The following ASCC3 variants were observed in gnomAD, a reference collection of about 807,000 sequenced individuals.
ASCC3 encodes activating signal cointegrator 1 complex subunit 3.
In ASCC3, 158 loss-of-function variants were observed where a neutral mutation model predicts 256.3. The observed-to-expected ratio is 0.62, with a 90% confidence interval of 0.54 to 0.70. The LOEUF (loss-of-function observed/expected upper bound fraction) is 0.70. Among genes scored for constraint, ASCC3 ranks in the 30% least tolerant of loss-of-function variants. ASCC3 has a pLI of 0.00. For synonymous variants in ASCC3, 948 were observed against 883.4 expected, an observed-to-expected ratio of 1.07 and a Z score of -1.30; for missense variants, 2,259 against 2,626.0, an observed-to-expected ratio of 0.86 and a Z score of 3.05.
chr6:100,616,057 C>CAA (rs2114835901), intron 30 of ASCC3, among the ~76,000 whole-genome samples: 1 of 152,276 alleles, frequency 6.6e-6, no homozygotes, highest in East Asian at 1.9e-4. Flanking sequence ...AAAACAATTT[C>CAA]AAAATCCATC....
At chr6:100,739,911 G>T (rs1159447058) in intron 10 of ASCC3, among the ~76,000 whole-genome samples, 1 of 151,842 alleles carries the variant, frequency 6.6e-6, no homozygotes, top group African/African-American at 2.4e-5. Context: ...TTTTTGAAGG[G>T]TTATTCATGT....
At chr6:100,639,880 C>A (rs778346155) in intron 24 of ASCC3, among the ~76,000 whole-genome samples, 9 of 151,998 alleles carry the variant, frequency 5.9e-5, no homozygotes, top group Non-Finnish European at 1.3e-4. Context: ...TTTGGGAGGC[C>A]GAAGCGGATG....
rs1474450970 is a variant in ASCC3 at position 100,608,206 on chromosome 6, T to C, written c.4786-1118A>G. On this transcript the variant is annotated intron_variant, in intron 30 of 41. Coordinates refer to ENST00000369162, the MANE Select transcript of ASCC3 (RefSeq NM_006828.4). ...TGTGTGTATATATATACTTTATATA[T>C]ATACTTTATATATATACTTTATATA... is the stretch of plus-strand genomic sequence containing the variant. Among the ~76,000 whole-genome samples the C allele has an allele frequency of 7.1e-4, 37 of 52,236 alleles. 4 individuals are homozygous for C. The highest frequency in any genetic ancestry group is 2.2e-3 in the African/African-American group (26 of 11,728). 34.3% of individuals were successfully genotyped at this position (52,236 alleles called of 152,430 possible). A position where few individuals can be genotyped will look rare whatever the true frequency, so the allele number is the denominator to read the frequency against.
At chr6:100,813,746 C>A (rs1436653743) in intron 4 of ASCC3, among the ~76,000 whole-genome samples, 1 of 151,706 alleles carries the variant, frequency 6.6e-6, no homozygotes, top group Non-Finnish European at 1.5e-5. Flanking sequence ...CAATAACAGT[C>A]GGAGGGTGCA....
chr6:100,849,763 C>T (rs1772567823), intron 3 of ASCC3, among the ~76,000 whole-genome samples: 1 of 151,990 alleles, frequency 6.6e-6, no homozygotes, highest in African/African-American at 2.4e-5. Flanking sequence ...ATGTGACTTA[C>T]CTAAATACTG....
chr6:100,523,536 G>A (rs2114626285), intron 37 of ASCC3, among the ~76,000 whole-genome samples: 2 of 152,268 alleles, frequency 1.3e-5, no homozygotes, highest in Middle Eastern at 3.4e-3. Flanking sequence ...GTCTCCTCTA[G>A]AGTTTAGAAA....
intron 8 of ASCC3, among the ~76,000 whole-genome samples, chr6:100,782,262 A>G (rs1179762183): frequency 6.6e-6 from 1 of 152,162 alleles, no homozygotes; most frequent in East Asian, 1.9e-4. Context: ...GCTTTTAAAG[A>G]ATAGAAAAGA....
chr6:100,704,104 C>T (rs1778469053), intron 13 of ASCC3, among the ~76,000 whole-genome samples: 1 of 151,176 alleles, frequency 6.6e-6, no homozygotes. Context: ...TGACAGAAGA[C>T]TCAACAGAGC....
intron 4 of ASCC3, among the ~76,000 whole-genome samples, chr6:100,843,101 AATT>A (rs1193759367): frequency 6.6e-6 from 1 of 152,202 alleles, no homozygotes; most frequent in Non-Finnish European, 1.5e-5. Flanking sequence ...CATAAAGAAA[AATT>A]ATGAGGTTCT....
intron 30 of ASCC3, 106 bp from the exon 31 acceptor site, chr6:100,607,194 G>C (rs998390476): frequency 4.1e-5 from 49 of 1,190,888 alleles, no homozygotes; most frequent in Non-Finnish European, 5.8e-5. Context: ...TTATTATATG[G>C]ACATAAAATA....
rs374644945 is a variant in ASCC3 at position 100,606,702 on chromosome 6, T to C, written c.5044+38A>G. ...AAATTCAAATTTACTCAGGGTAAAA[T>C]AGAGCTTCATGTATTTCTGTGAATT... On this transcript the variant is annotated intron_variant, in intron 32 of 41. Transcript: ENST00000369162. 52 of 1,569,066 alleles carry C rather than the reference T, an allele frequency of 3.3e-5. No individual in the cohort carries two copies. In the African/African-American group the frequency reaches 6.9e-4, roughly 21 times the overall value.
At chr6:100,829,461 G>A (rs1028770845) in intron 4 of ASCC3, among the ~76,000 whole-genome samples, 4 of 152,094 alleles carry the variant, frequency 2.6e-5, no homozygotes, top group Admixed American at 6.5e-5. Flanking sequence ...CAGGGCTGGC[G>A]GGGCTCGCCA....
intron 36 of ASCC3, among the ~76,000 whole-genome samples, chr6:100,561,354 TTG>T (rs1020255625): frequency 3.9e-5 from 6 of 152,258 alleles, no homozygotes; most frequent in African/African-American, 7.2e-5. Flanking sequence ...TCTAAATGTA[TTG>T]TGTTAAAATT....
Position 100,814,507 on chromosome 6 carries a change from A to G in ASCC3, c.802-8627T>C, listed in dbSNP as rs114248433. Among the ~76,000 whole-genome samples, 1,112 of 152,250 alleles carry G rather than the reference A, an allele frequency of 7.3e-3. 14 individuals are homozygous for G. Among genetic ancestry groups the G allele is most frequent in the African/African-American group, 0.025 (1,035 of 41,544 alleles). ...CTCCCCATTTTCTTGGAATGGTTTC[A>G]ATAGAAATGGTACCAGCTCTTCTTC... On this transcript the variant is annotated intron_variant, in intron 4 of 41. Transcript: ENST00000369162.
At chr6:100,867,199 A>G (rs1307066003) in intron 2 of ASCC3, among the ~76,000 whole-genome samples, 3 of 152,120 alleles carry the variant, frequency 2.0e-5, no homozygotes, top group Admixed American at 2.0e-4. Context: ...ACCTAGTGAG[A>G]TTTACCTGTA....
At chr6:100,600,649 T>C (rs1485154006) in intron 34 of ASCC3, among the ~76,000 whole-genome samples, 1 of 152,114 alleles carries the variant, frequency 6.6e-6, no homozygotes. Context: ...TCATGACTTC[T>C]CTAAGACTTT....
At chr6:100,856,331 C>T (rs1772937082) in intron 3 of ASCC3, 12 of 894,398 alleles carry the variant, frequency 1.3e-5, no homozygotes, top group South Asian at 5.2e-5. Context: ...ATTTATTATA[C>T]TTATGATACT....
At chr6:100,519,299 T>C (rs780649357) in intron 37 of ASCC3, among the ~76,000 whole-genome samples, 1 of 152,148 alleles carries the variant, frequency 6.6e-6, no homozygotes, top group East Asian at 1.9e-4. Context: ...CATGGTCAAA[T>C]TGGTCTTTAG....
chr6:100,858,524 A>C, intron 3 of ASCC3: 1 of 913,748 alleles, frequency 1.1e-6, no homozygotes. Context: ...TATCATAAGT[A>C]ATGTTAGATA....
Sources: gnomAD v4.1 joint callset for allele counts (sites outside exome capture counted in the v4.1 genomes callset) on GRCh38, gnomAD v4.1.1 for gene constraint, MANE v1.5 for transcripts, NCBI Gene and HGNC (gene_info 2026-07-23, HGNC 2026-07-21) for gene names.